The following PVR variants were observed in gnomAD, a reference collection of about 807,000 sequenced individuals.
PVR encodes the protein PVR cell adhesion molecule.
Under a neutral mutation model 43.3 loss-of-function variants are expected in PVR, and 39 were observed. That is an observed-to-expected ratio of 0.90 (90% CI 0.70 to 1.18). The LOEUF (loss-of-function observed/expected upper bound fraction) is 1.18. Ranked by LOEUF, PVR falls within the 50% of genes most tolerant of loss-of-function variation. The pLI, the probability that PVR is intolerant of heterozygous loss-of-function variation, is 0.00. For missense variants in PVR, 480 were observed against 549.7 expected, an observed-to-expected ratio of 0.87 and a Z score of 1.27; for synonymous variants, 224 against 233.2, an observed-to-expected ratio of 0.96 and a Z score of 0.36.
chr19:44,644,160 C>T lies in PVR; in HGVS notation c.64C>T (p.Pro22Ser). The T allele has an allele frequency of 6.6e-7, 1 of 1,510,240 alleles. No individual in the cohort carries two copies. The highest frequency in any genetic ancestry group is 2.1e-5 in the Admixed American group (1 of 47,754). The allele number at this position is 1,510,240 out of a possible 1,614,324, so 93.6% of individuals were successfully genotyped here. A position where few individuals can be genotyped will look rare whatever the true frequency, so the allele number is the denominator to read the frequency against. Residue 22 changes from proline (P) to serine (S), a missense_variant, in exon 1 of 8, where the codon CCA becomes TCA. Pro to Ser is a moderately conservative substitution (Grantham distance 74). Transcript: ENST00000425690. The part of the protein sequence containing the change: ...LLVALLVLSW[P>S]PPGTGDVVVQ... ...GGTGGCGCTACTGGTGCTGTCCTGG[C>T]CACCCCCAGGAACCGGTGAGTGACC...
At chr19:44,656,659 T>C (rs942320861) in intron 4 of PVR, among the ~76,000 whole-genome samples, 1 of 152,096 alleles carries the variant, frequency 6.6e-6, no homozygotes, top group African/African-American at 2.4e-5. Context: ...ATAAATACCA[T>C]GGAGAAGACA....
At position 44,654,208 on chromosome 19, in the gene PVR, C is replaced by T. The variant is rs1342398854; in HGVS notation, c.842+191C>T. On this transcript the variant is annotated intron_variant, in intron 4 of 7. Transcript: ENST00000425690. ...GGGAAGAGGGGCTGGGGGTCTGGAC[C>T]CCTGGGACTGAGAGAGGAGGGGCTG... Among the ~76,000 whole-genome samples the T allele has an allele frequency of 2.1e-3, 309 of 148,898 alleles. 1 individual carries two copies. The highest frequency in any genetic ancestry group is 6.9e-3 in the African/African-American group (271 of 39,350).
rs1568505726 is a variant in PVR at position 44,658,771 on chromosome 19, T to C, written c.1021T>C (p.Ser341Pro). Residue 341 changes from serine (S) to proline (P), a missense_variant, in exon 6 of 8, where the codon TCC becomes CCC. Ser to Pro is a moderately conservative substitution (Grantham distance 74). Coordinates refer to ENST00000425690, the MANE Select transcript of PVR (RefSeq NM_006505.5). ...EGPPSEHSGMSRNAIIFLVLG... is the reference protein window; with the variant it reads ...EGPPSEHSGMPRNAIIFLVLG... ...ACCTCCCAGTGAGCACTCAGGCATGTCCCGTAACGCCATCATCTTCCTGGT... is the reference window on the plus strand; with the variant it reads ...ACCTCCCAGTGAGCACTCAGGCATGCCCCGTAACGCCATCATCTTCCTGGT... The C allele has an allele frequency of 2.5e-6, 4 of 1,611,606 alleles. No homozygotes were observed. Among genetic ancestry groups the C allele is most frequent in the Non-Finnish European group, 3.4e-6 (4 of 1,177,690 alleles).
chr19:44,651,722 C>G (rs1035980180), intron 3 of PVR, among the ~76,000 whole-genome samples: 2 of 152,244 alleles, frequency 1.3e-5, no homozygotes, highest in African/African-American at 2.4e-5. Context: ...CCAGCTCCCT[C>G]ATGGCATCAT....
Position 44,644,028 on chromosome 19 carries a change from G to A in PVR, c.-69G>A. Reference sequence around the variant, plus strand: ...CGGGAGCTGGACTCGCAGCGACCGCGGCAGAGCGAGCGGGCGCCGGGAAGC... The same window carrying A: ...CGGGAGCTGGACTCGCAGCGACCGCAGCAGAGCGAGCGGGCGCCGGGAAGC... On this transcript the variant is annotated 5_prime_UTR_variant, in exon 1 of 8. Transcript: ENST00000425690. The A allele has an allele frequency of 1.5e-6, 2 of 1,353,482 alleles. No homozygotes were observed. Among genetic ancestry groups the A allele is most frequent in the Admixed American group, 2.3e-5 (1 of 42,770 alleles). The allele number at this position is 1,353,482 out of a possible 1,614,324, so 83.8% of individuals were successfully genotyped here.
At chr19:44,653,158 A>G (rs1973329113) in intron 3 of PVR, among the ~76,000 whole-genome samples, 1 of 152,074 alleles carries the variant, frequency 6.6e-6, no homozygotes, top group African/African-American at 2.4e-5. Flanking sequence ...CACCCCCACC[A>G]CCACATTTTC....
intron 2 of PVR, 59 bp downstream of exon 2, chr19:44,647,629 G>T (rs1973165967): frequency 6.9e-7 from 1 of 1,450,650 alleles, no homozygotes; most frequent in Non-Finnish European, 9.3e-7. Context: ...GGAGGATCAG[G>T]GAAGTTGGCA....
chr19:44,660,125 T>C (rs1176028054), intron 6 of PVR, among the ~76,000 whole-genome samples: 5 of 152,192 alleles, frequency 3.3e-5, no homozygotes, highest in Non-Finnish European at 5.9e-5. Context: ...CCCAGTGGAC[T>C]GTGAGCCCCA....
chr19:44,653,789 C>T (rs1338861502), intron 3 of PVR, 111 bp from the exon 4 acceptor site: 12 of 755,128 alleles, frequency 1.6e-5, no homozygotes, highest in African/African-American at 3.4e-5. Flanking sequence ...CTCCAGCTCC[C>T]GCTGTTTTCC....
intron 3 of PVR, among the ~76,000 whole-genome samples, chr19:44,652,381 T>TTGTTTTTG (rs2123757299): frequency 6.6e-6 from 1 of 151,804 alleles, no homozygotes; most frequent in South Asian, 2.1e-4. Context: ...GTTTTTGTTT[T>TTGTTTTTG]TGTTTTTGTT....
intron 5 of PVR, 47 bp downstream of exon 5, chr19:44,657,957 C>G (rs1236150939): frequency 1.3e-6 from 2 of 1,592,750 alleles, no homozygotes; most frequent in Admixed American, 1.8e-5. Context: ...AGGAAGAGGT[C>G]GAGGCAGGGT....
Position 44,643,961 on chromosome 19 carries a change from C to T in PVR, c.-136C>T, listed in dbSNP as rs917421047. 26 of 623,522 alleles carry T rather than the reference C, an allele frequency of 4.2e-5. No homozygotes were observed. The highest frequency in any genetic ancestry group is 6.1e-5 in the Non-Finnish European group (23 of 377,302). 38.6% of individuals were successfully genotyped at this position (623,522 alleles called of 1,614,324 possible). ...TGGGTATTCCCCTTCCCACCCCAGG[C>T]ACTGGAGGAGCGGCCCCCCGGGGAT... On this transcript the variant is annotated 5_prime_UTR_variant, in exon 1 of 8. Transcript: ENST00000425690.
Position 44,647,238 on chromosome 19 carries a change from A to T in PVR, c.95A>T (p.Gln32Leu). 1 of 1,545,472 alleles carries T rather than the reference A, an allele frequency of 6.5e-7. No individual in the cohort carries two copies. Among genetic ancestry groups the T allele is most frequent in the Non-Finnish European group, 8.8e-7 (1 of 1,142,268 alleles). ...TTCTCCGCAGGGGACGTCGTCGTGC[A>T]GGCGCCCACCCAGGTGCCCGGCTTC... ...PPPGTGDVVV[Q>L]APTQVPGFLG... The change falls in exon 2 of 8, where the codon CAG becomes CTG. Residue 32 changes from glutamine to leucine, a missense_variant. Transcript: ENST00000425690.
rs1973678271 is a variant in PVR, at chr19:44,665,104, T to C, written c.*3293T>C. ...CCAGAATTTTGGTATAGGTGTTGTA[T>C]AAACTTATAGTAAGGTTAAGAAAAC... On this transcript the variant is annotated 3_prime_UTR_variant, in exon 8 of 8. Coordinates refer to ENST00000425690, the MANE Select transcript of PVR (RefSeq NM_006505.5). The C allele has an allele frequency of 6.6e-6, 1 of 152,134 alleles. No homozygotes were observed. Among genetic ancestry groups the C allele is most frequent in the African/African-American group, 2.4e-5 (1 of 41,418 alleles). 9.4% of individuals were successfully genotyped at this position (152,134 alleles called of 1,614,324 possible).
intron 6 of PVR, 125 bp downstream of exon 6, chr19:44,659,025 G>C: frequency 2.3e-6 from 2 of 859,320 alleles, no homozygotes; most frequent in Non-Finnish European, 3.6e-6. Flanking sequence ...GACTGATGAG[G>C]GTGCAGAGCC....
chr19:44,656,841 C>A (rs1428129585), intron 4 of PVR, among the ~76,000 whole-genome samples: 3 of 152,122 alleles, frequency 2.0e-5, no homozygotes, highest in Non-Finnish European at 4.4e-5. Context: ...GGTGTGGTGG[C>A]ATGCACCTGT....
intron 3 of PVR, among the ~76,000 whole-genome samples, chr19:44,652,750 A>T (rs1472982862): frequency 6.6e-6 from 1 of 152,134 alleles, no homozygotes; most frequent in Non-Finnish European, 1.5e-5. Flanking sequence ...CCTGGGCTCA[A>T]GTGATCCTCC....
intron 5 of PVR, among the ~76,000 whole-genome samples, 173 bp downstream of exon 5, chr19:44,658,083 T>C (rs1434549659): frequency 2.0e-5 from 3 of 152,196 alleles, no homozygotes; most frequent in African/African-American, 7.2e-5. Context: ...GTACCGTTGT[T>C]CAGCTGCCTG....
rs1037189293 is a variant in PVR, at chr19:44,658,767, C to T, written c.1017C>T (p.Gly339=). The T allele has an allele frequency of 3.1e-6, 5 of 1,610,416 alleles. No individual in the cohort carries two copies. The highest frequency in any genetic ancestry group is 4.2e-6 in the Non-Finnish European group (5 of 1,176,652). ...AGGGACCTCCCAGTGAGCACTCAGG[C>T]ATGTCCCGTAACGCCATCATCTTCC... The part of the protein sequence containing the change: ...VKEGPPSEHS[G]MSRNAIIFLV... The change falls in exon 6 of 8, where the codon GGC becomes GGT. Residue 339 remains glycine, a synonymous_variant. Coordinates refer to ENST00000425690, the MANE Select transcript of PVR (RefSeq NM_006505.5).
Sources: allele counts gnomAD v4.1 joint callset (sites outside exome capture counted in the v4.1 genomes callset), GRCh38; gene constraint gnomAD v4.1.1; transcripts MANE v1.5; gene names NCBI Gene and HGNC (gene_info 2026-07-23, HGNC 2026-07-21).